Variants in GLIS1 observed in about 807,000 individuals in gnomAD.
GLIS1 encodes zinc finger protein GLIS1.
A neutral mutation model predicts 63.8 loss-of-function variants in GLIS1; 24 were observed. The ratio of observed to expected loss-of-function variants is 0.38; its 90% CI spans 0.27 to 0.53. The LOEUF (loss-of-function observed/expected upper bound fraction) is 0.53. Among genes scored for constraint, GLIS1 ranks in the 20% least tolerant of loss-of-function variants. The pLI, the probability that GLIS1 is intolerant of heterozygous loss-of-function variation, is 0.85. For missense variants in GLIS1, 1,036 were observed against 1,074.1 expected, an observed-to-expected ratio of 0.96 and a Z score of 0.50; for synonymous variants, 450 against 482.5, an observed-to-expected ratio of 0.93 and a Z score of 0.88.
At chr1:53,700,834 T>C (rs899586711) in intron 2 of GLIS1, among the ~76,000 whole-genome samples, 6 of 152,224 alleles carry the variant, frequency 3.9e-5, no homozygotes, top group African/African-American at 7.2e-5. Flanking sequence ...TCCATAGATT[T>C]ACCTGTCCAG....
rs760106371 is a variant in GLIS1, at chr1:53,520,699, G to A, written c.1661C>T (p.Thr554Met). The A allele has an allele frequency of 1.5e-5, 24 of 1,607,582 alleles. No homozygotes were observed. The highest frequency in any genetic ancestry group is 1.9e-5 in the Non-Finnish European group (22 of 1,177,776). Residue 554 changes from threonine (T) to methionine (M), a missense_variant, in exon 7 of 11, where the codon ACG becomes ATG. By Grantham distance (81) the Thr-to-Met change is moderately conservative. This residue lies in a region of GLIS1 where 400 missense variants were observed against 400.9 expected (regional missense o/e 1.00). Transcript: ENST00000628545. Reference sequence around the variant, plus strand: ...GTCGCTGGCAGCCAGCTGTGTGGACGTGTGGAGCTGCTGCAGGACCAGACA... The same window carrying A: ...GTCGCTGGCAGCCAGCTGTGTGGACATGTGGAGCTGCTGCAGGACCAGACA... Reference protein sequence around the residue: ...TECLVLQQLHTSTQLAASDGK... With the variant: ...TECLVLQQLHMSTQLAASDGK...
In GLIS1 at chr1:53,673,836, T is replaced by C. The variant is rs559891689; in HGVS notation, c.259+63970A>G. Among the ~76,000 whole-genome samples, 5 of 152,300 alleles carry C rather than the reference T, an allele frequency of 3.3e-5. No homozygotes were observed. In the South Asian group the frequency reaches 1.0e-3, roughly 32 times the overall value. ...AAGTCCGCATGAAGGCAAGAATGCA[T>C]GGAAGCCTGTGTGGTCTGACTCCTC... is the stretch of plus-strand genomic sequence containing the variant. On this transcript the variant is annotated intron_variant, in intron 2 of 10. Coordinates refer to ENST00000628545, the MANE Select transcript of GLIS1 (RefSeq NM_001367484.1).
intron 4 of GLIS1, among the ~76,000 whole-genome samples, chr1:53,589,100 T>C (rs1465097265): frequency 6.6e-6 from 1 of 152,182 alleles, no homozygotes; most frequent in Non-Finnish European, 1.5e-5. Context: ...TTGGCCTCTC[T>C]GGGCCTCGGA....
intron 2 of GLIS1, among the ~76,000 whole-genome samples, chr1:53,713,602 T>TA (rs1557536924): frequency 6.6e-6 from 1 of 152,170 alleles, no homozygotes; most frequent in Non-Finnish European, 1.5e-5. Flanking sequence ...AAAAATTTTT[T>TA]AAAAAAATAA....
chr1:53,613,999 T>G (rs1299220394), intron 2 of GLIS1, among the ~76,000 whole-genome samples: 1 of 152,196 alleles, frequency 6.6e-6, no homozygotes, highest in Non-Finnish European at 1.5e-5. Flanking sequence ...AAGCGCAGGA[T>G]TCAAAATTCC....
intron 4 of GLIS1, among the ~76,000 whole-genome samples, chr1:53,534,167 G>T (rs1046711885): frequency 2.0e-5 from 3 of 151,984 alleles, no homozygotes; most frequent in Admixed American, 2.0e-4. Context: ...GGGTTGTGGG[G>T]GCACAGATGC....
chr1:53,668,018 C>T (rs1646112427), intron 2 of GLIS1, among the ~76,000 whole-genome samples: 1 of 152,198 alleles, frequency 6.6e-6, no homozygotes, highest in Non-Finnish European at 1.5e-5. Flanking sequence ...GGCCTCATCT[C>T]GTTCCATTCT....
intron 2 of GLIS1, among the ~76,000 whole-genome samples, chr1:53,603,601 C>T (rs1122277): frequency 0.095 from 14,406 of 152,156 alleles, 1,594 homozygotes; most frequent in East Asian, 0.39. Context: ...TTCACAAGAC[C>T]CAGATGGAGG....
chr1:53,702,065 G>A (rs1231217943), intron 2 of GLIS1, among the ~76,000 whole-genome samples: 1 of 151,726 alleles, frequency 6.6e-6, no homozygotes. Context: ...CACAGAGCTG[G>A]CATTTAACAA....
chr1:53,648,606 G>T (rs1244524992), intron 2 of GLIS1, among the ~76,000 whole-genome samples: 1 of 152,162 alleles, frequency 6.6e-6, no homozygotes, highest in African/African-American at 2.4e-5. Context: ...CAACACAAAT[G>T]CTCGACAGCA....
chr1:53,613,208 C>A (rs926574367), intron 2 of GLIS1, among the ~76,000 whole-genome samples: 2 of 152,126 alleles, frequency 1.3e-5, no homozygotes, highest in African/African-American at 4.8e-5. Context: ...GCAAAAATCC[C>A]CTTTTAACAA....
In GLIS1 at chr1:53,537,231, C is replaced by T. The variant is rs1569779171; in HGVS notation, c.1321-7279G>A. 2.0e-5 allele frequency among the ~76,000 whole-genome samples: 3 copies of T among 152,330 alleles called. No individual in the cohort carries two copies. In the South Asian group the frequency reaches 6.2e-4, roughly 32 times the overall value. ...GCTGAAGCCCAAGATCCGCTGGGGGCTGGCTCAGACGTTCAAGTTGCAGGG... is the reference window on the plus strand; with the variant it reads ...GCTGAAGCCCAAGATCCGCTGGGGGTTGGCTCAGACGTTCAAGTTGCAGGG... On this transcript the variant is annotated intron_variant, in intron 4 of 10. Coordinates refer to ENST00000628545, the MANE Select transcript of GLIS1 (RefSeq NM_001367484.1).
intron 2 of GLIS1, among the ~76,000 whole-genome samples, chr1:53,706,727 A>G (rs1646582720): frequency 6.6e-6 from 1 of 152,272 alleles, no homozygotes; most frequent in African/African-American, 2.4e-5. Context: ...GTACAAGTCA[A>G]TAAACAAAGG....
intron 2 of GLIS1, among the ~76,000 whole-genome samples, chr1:53,726,003 T>A (rs1251490808): frequency 6.6e-6 from 1 of 152,164 alleles, no homozygotes; most frequent in Admixed American, 6.5e-5. Flanking sequence ...GATGCGTTCA[T>A]GACATATCCT....
At chr1:53,553,466 T>G (rs1295833790) in intron 4 of GLIS1, among the ~76,000 whole-genome samples, 1 of 152,216 alleles carries the variant, frequency 6.6e-6, no homozygotes, top group Non-Finnish European at 1.5e-5. Flanking sequence ...CTAAGCATCA[T>G]TCTAGCTGCT....
intron 2 of GLIS1, among the ~76,000 whole-genome samples, chr1:53,705,034 C>A (rs1018264093): frequency 6.6e-6 from 1 of 152,204 alleles, no homozygotes; most frequent in South Asian, 2.1e-4. Flanking sequence ...GCCCCCAACA[C>A]GTACCTAACA....
At chr1:53,556,841 T>A (rs1333596220) in intron 4 of GLIS1, among the ~76,000 whole-genome samples, 1 of 145,052 alleles carries the variant, frequency 6.9e-6, no homozygotes, top group Non-Finnish European at 1.5e-5. Context: ...TACTGCAGCA[T>A]GTGTGTGTGT....
intron 2 of GLIS1, among the ~76,000 whole-genome samples, chr1:53,630,265 G>T (rs1273606127): frequency 1.3e-5 from 2 of 152,136 alleles, no homozygotes; most frequent in African/African-American, 4.8e-5. Context: ...AGACATTGAG[G>T]TTGTTTCCAA....
At chr1:53,726,404 C>A (rs114752888) in intron 2 of GLIS1, among the ~76,000 whole-genome samples, 1,881 of 152,292 alleles carry the variant, frequency 0.012, 31 homozygotes, top group African/African-American at 0.043. Flanking sequence ...CTACTCACAG[C>A]AGGACTCAAC....
Sources: allele counts gnomAD v4.1 joint callset (sites outside exome capture counted in the v4.1 genomes callset), GRCh38; gene constraint gnomAD v4.1.1; regional missense constraint gnomAD v4.1.1; transcripts MANE v1.5; gene names NCBI Gene and HGNC (gene_info 2026-07-23, HGNC 2026-07-21).